Variants in RAB38 observed in about 807,000 individuals in gnomAD.
RAB38 encodes ras-related protein Rab-38.
In RAB38, 15 loss-of-function variants were observed where a neutral mutation model predicts 18.4. That is an observed-to-expected ratio of 0.82 (90% CI 0.55 to 1.26). The LOEUF (loss-of-function observed/expected upper bound fraction) is 1.26, where lower values mean the gene tolerates loss of function less well. Ranked by LOEUF, RAB38 falls within the 50% of genes most tolerant of loss-of-function variation. The probability of loss-of-function intolerance (pLI) is 0.00; values close to 1 mark genes in which losing one functional copy is unlikely to be tolerated. For missense variants in RAB38, 294 were observed against 267.4 expected, an observed-to-expected ratio of 1.10 and a Z score of -0.69; for synonymous variants, 101 against 104.4, an observed-to-expected ratio of 0.97 and a Z score of 0.20.
chr11:87,977,976 T>C, the RAB38 span, among the ~76,000 whole-genome samples: 3 of 112,242 alleles, frequency 2.7e-5, no homozygotes, highest in East Asian at 2.6e-4. Context: ...ATATATTATA[T>C]AAATACATAT....
the RAB38 span, among the ~76,000 whole-genome samples, chr11:87,845,108 C>T: frequency 1.0e-3 from 155 of 152,222 alleles, 2 homozygotes; most frequent in Non-Finnish European, 4.7e-4. Flanking sequence ...TGATTTCTTG[C>T]TAATACAAAA....
chr11:88,062,784 C>A, the RAB38 span, among the ~76,000 whole-genome samples: 1 of 152,184 alleles, frequency 6.6e-6, no homozygotes, highest in East Asian at 1.9e-4. Context: ...CTTTGGGTAG[C>A]ATTTGCCTCA....
chr11:87,804,333 C>A, the RAB38 span, among the ~76,000 whole-genome samples: 9 of 152,240 alleles, frequency 5.9e-5, no homozygotes, highest in African/African-American at 1.9e-4. Flanking sequence ...TCTGGCCCAT[C>A]ATTGTCCTCT....
the RAB38 span, among the ~76,000 whole-genome samples, chr11:88,030,783 C>G: frequency 1.6e-3 from 241 of 152,248 alleles, 1 homozygote; most frequent in Non-Finnish European, 2.7e-3. Context: ...ATTCACAGCC[C>G]AATTCCACCA....
the RAB38 span, among the ~76,000 whole-genome samples, chr11:87,947,514 G>C: frequency 6.6e-6 from 1 of 152,012 alleles, no homozygotes; most frequent in Admixed American, 6.6e-5. Context: ...GGGTTTTTAT[G>C]GTTTCAGGTC....
the RAB38 span, among the ~76,000 whole-genome samples, chr11:88,021,626 C>T: frequency 5.4e-5 from 8 of 148,082 alleles, no homozygotes; most frequent in East Asian, 1.3e-3. Flanking sequence ...AGTTTTGCTC[C>T]GTCACTCAGG....
the RAB38 span, among the ~76,000 whole-genome samples, chr11:87,908,937 A>G: frequency 1.3e-5 from 2 of 151,994 alleles, no homozygotes; most frequent in African/African-American, 4.8e-5. Flanking sequence ...TTGGAACAAA[A>G]TGGAATGCAT....
the RAB38 span, among the ~76,000 whole-genome samples, chr11:87,934,887 G>A: frequency 6.6e-6 from 1 of 152,096 alleles, no homozygotes; most frequent in Non-Finnish European, 1.5e-5. Flanking sequence ...GGGAAGAGAT[G>A]GGGCAGCGAT....
At chr11:87,945,482 G>A in the RAB38 span, among the ~76,000 whole-genome samples, 2 of 152,112 alleles carry the variant, frequency 1.3e-5, no homozygotes, top group Non-Finnish European at 2.9e-5. Context: ...GGTTGTCAGT[G>A]GGTTGGAAGG....
chr11:87,934,324 T>G, the RAB38 span, among the ~76,000 whole-genome samples: 4 of 152,124 alleles, frequency 2.6e-5, no homozygotes, highest in Non-Finnish European at 4.4e-5. Flanking sequence ...CTTTCTAACT[T>G]TCGATCCCCC....
At chr11:87,948,061 T>C in the RAB38 span, among the ~76,000 whole-genome samples, 1 of 152,196 alleles carries the variant, frequency 6.6e-6, no homozygotes, top group African/African-American at 2.4e-5. Context: ...TGTATCCTCT[T>C]TTATTTCATT....
At chr11:87,949,164 A>G in the RAB38 span, among the ~76,000 whole-genome samples, 5 of 152,186 alleles carry the variant, frequency 3.3e-5, no homozygotes, top group Non-Finnish European at 7.4e-5. Context: ...TAGATTTTCT[A>G]GTTTATTTGC....
At chr11:88,011,845 T>C in the RAB38 span, among the ~76,000 whole-genome samples, 1 of 152,296 alleles carries the variant, frequency 6.6e-6, no homozygotes, top group Admixed American at 6.5e-5. Flanking sequence ...GACTCAGGTA[T>C]AGGCCTCCAT....
chr11:87,959,364 A>G, the RAB38 span, among the ~76,000 whole-genome samples: 2 of 152,170 alleles, frequency 1.3e-5, no homozygotes, highest in Non-Finnish European at 2.9e-5. Flanking sequence ...AAGGACATTG[A>G]ATCTCAAAGA....
chr11:87,972,109 T>G, the RAB38 span, among the ~76,000 whole-genome samples: 1 of 151,966 alleles, frequency 6.6e-6, no homozygotes, highest in African/African-American at 2.4e-5. Flanking sequence ...CAGAGTGCCA[T>G]GGAAATAGGA....
At chr11:88,145,454 C>A (rs1359298758) in intron 2 of RAB38, among the ~76,000 whole-genome samples, 2 of 152,080 alleles carry the variant, frequency 1.3e-5, no homozygotes, top group Admixed American at 1.3e-4. Flanking sequence ...GCCACATTAT[C>A]TCTTAATGTT....
chr11:88,048,295 A>G, the RAB38 span, among the ~76,000 whole-genome samples: 1 of 152,214 alleles, frequency 6.6e-6, no homozygotes, highest in Middle Eastern at 3.4e-3. Context: ...TGTCTGACAT[A>G]ATTCCTCGGT....
the RAB38 span, among the ~76,000 whole-genome samples, chr11:88,082,301 T>C: frequency 6.6e-6 from 1 of 151,768 alleles, no homozygotes; most frequent in East Asian, 1.9e-4. Context: ...AAAATGTTAA[T>C]CATCTTAATA....
chr11:87,878,251 C>CT, the RAB38 span, among the ~76,000 whole-genome samples: 6,887 of 103,396 alleles, frequency 0.067, 687 homozygotes, highest in Admixed American at 0.18. Flanking sequence ...ACACACCTAT[C>CT]ATCTATCTAT....
Sources: allele counts gnomAD v4.1 joint callset (sites outside exome capture counted in the v4.1 genomes callset), GRCh38; gene constraint gnomAD v4.1.1; transcripts MANE v1.5; gene names NCBI Gene and HGNC (gene_info 2026-07-23, HGNC 2026-07-21).